ABCB5: variants seen among roughly 807,000 people sequenced by gnomAD.
ABCB5 encodes the protein ATP-binding cassette sub-family B member 5.
Under a neutral mutation model 144.2 loss-of-function variants are expected in ABCB5, and 155 were observed. The observed-to-expected ratio is 1.08, with a 90% CI of 0.94 to 1.23. ABCB5 has a LOEUF of 1.23. Among genes scored for constraint, ABCB5 ranks in the 50% most tolerant of loss-of-function variants. The probability of loss-of-function intolerance (pLI) is 0.00; values close to 1 mark genes in which losing one functional copy is unlikely to be tolerated. For synonymous variants in ABCB5, 610 were observed against 528.6 expected, an observed-to-expected ratio of 1.15 and a Z score of -2.11; for missense variants, 1,830 against 1,520.8, an observed-to-expected ratio of 1.20 and a Z score of -3.38.
At chr7:20,720,064 C>G (rs1049881496) in intron 20 of ABCB5, among the ~76,000 whole-genome samples, 2 of 152,108 alleles carry the variant, frequency 1.3e-5, no homozygotes, top group African/African-American at 4.8e-5. Flanking sequence ...TAAAAGAACC[C>G]AGGGATCTTT....
chr7:20,682,970 C>T (rs573700432), intron 15 of ABCB5, among the ~76,000 whole-genome samples: 3 of 152,328 alleles, frequency 2.0e-5, no homozygotes, highest in East Asian at 3.9e-4. Context: ...TCTTTGTTCT[C>T]GCCCAGCTTT....
rs1562525612 is a variant in ABCB5 at position 20,623,256 on chromosome 7, G to C, written c.-21-9G>C. The C allele has an allele frequency of 6.9e-7, 1 of 1,441,568 alleles. No homozygotes were observed. The highest frequency in any genetic ancestry group is 2.5e-5 in the East Asian group (1 of 40,430). The allele number at this position is 1,441,568 out of a possible 1,614,324, so 89.3% of individuals were successfully genotyped here. A position where few individuals can be genotyped will look rare whatever the true frequency, so the allele number is the denominator to read the frequency against. On this transcript the variant is annotated splice_polypyrimidine_tract_variant and intron_variant, in intron 1 of 27. Transcript: ENST00000404938. ...TAGCCATAATACATTTGTTAAAATT[G>C]TATTTCAGAAGAAGTAAATTGTAAA...
Position 20,709,478 on chromosome 7 carries a change from G to A in ABCB5, c.2421+4671G>A, listed in dbSNP as rs1315783734. Among the ~76,000 whole-genome samples, 3 of 149,684 alleles carry A rather than the reference G, an allele frequency of 2.0e-5. 1 individual carries two copies. The highest frequency in any genetic ancestry group is 7.4e-5 in the African/African-American group (3 of 40,452). ...ATAGCATAAAAAACACAATGCTGTGGCATCTAATTTGAATACAAAATAACT... is the reference window on the plus strand; with the variant it reads ...ATAGCATAAAAAACACAATGCTGTGACATCTAATTTGAATACAAAATAACT... On this transcript the variant is annotated intron_variant, in intron 20 of 27. Transcript: ENST00000404938.
In ABCB5 at chr7:20,698,322, A is replaced by G; in HGVS notation, c.2011-85A>G. On this transcript the variant is annotated intron_variant, in intron 16 of 27. Transcript: ENST00000404938. ...TCTGTTATGTTTGATGTTATACATTATAATTCTGTTTATGATGGGCTAACT... is the reference window on the plus strand; with the variant it reads ...TCTGTTATGTTTGATGTTATACATTGTAATTCTGTTTATGATGGGCTAACT... The G allele has an allele frequency of 3.2e-6, 4 of 1,234,808 alleles. No homozygotes were observed. The South Asian group carries it at 7.2e-5, about 22-fold the overall frequency. 76.5% of individuals were successfully genotyped at this position (1,234,808 alleles called of 1,614,324 possible).
At chr7:20,725,128 AAAC>A (rs1442071947) in intron 21 of ABCB5, among the ~76,000 whole-genome samples, 1 of 152,246 alleles carries the variant, frequency 6.6e-6, no homozygotes, top group Non-Finnish European at 1.5e-5. Context: ...ACTATACAAC[AAAC>A]AACTCTAATC....
intron 14 of ABCB5, chr7:20,666,844 T>C (rs1454328589): frequency 6.6e-7 from 1 of 1,511,002 alleles, no homozygotes; most frequent in African/African-American, 1.4e-5. Flanking sequence ...TGAATTGCAC[T>C]ATCTCCCTAA....
chr7:20,702,828 ATTTT>A (rs5882755), intron 19 of ABCB5, among the ~76,000 whole-genome samples: 8 of 114,100 alleles, frequency 7.0e-5, no homozygotes, highest in African/African-American at 2.0e-4. Flanking sequence ...CGCCTGGCTA[ATTTT>A]TTTTTTTTTT....
chr7:20,643,553 T>C lies in ABCB5; in HGVS notation c.599T>C (p.Leu200Ser). The change falls in exon 7 of 28, where the codon TTG becomes TCG. Residue 200 changes from leucine to serine, a missense_variant. By Grantham distance (145) the Leu-to-Ser change is moderately radical (BLOSUM62 -2). Coordinates refer to ENST00000404938, the MANE Select transcript of ABCB5 (RefSeq NM_001163941.2). ...STFSIGLAVG[L>S]VKGWKLTLVT... ...TTTTCGATTGGCCTGGCAGTTGGTT[T>C]GGTGAAGGGCTGGAAACTCACCCTA... 6.2e-7 allele frequency: 1 copy of C among 1,614,028 alleles called. No individual in the cohort carries two copies. The highest frequency in any genetic ancestry group is 8.5e-7 in the Non-Finnish European group (1 of 1,179,894).
At chr7:20,743,398 T>C (rs1247935510) in intron 25 of ABCB5, among the ~76,000 whole-genome samples, 10 of 152,138 alleles carry the variant, frequency 6.6e-5, no homozygotes, top group African/African-American at 1.2e-4. Flanking sequence ...CCGTATTCTG[T>C]TGTGGTTTAA....
chr7:20,731,365 A>AT (rs1201095218), intron 23 of ABCB5, among the ~76,000 whole-genome samples: 3,183 of 87,720 alleles, frequency 0.036, 41 homozygotes, highest in African/African-American at 0.069. Flanking sequence ...GAAAAAAAAA[A>AT]AAAAATATAT....
At chr7:20,695,249 G>T (rs1347943965) in intron 16 of ABCB5, among the ~76,000 whole-genome samples, 1 of 151,860 alleles carries the variant, frequency 6.6e-6, no homozygotes, top group East Asian at 1.9e-4. Flanking sequence ...AGAAAAGAGA[G>T]CTGAGAAGTA....
chr7:20,706,934 A>C (rs1417138285), intron 20 of ABCB5, among the ~76,000 whole-genome samples: 1 of 152,230 alleles, frequency 6.6e-6, no homozygotes, highest in Non-Finnish European at 1.5e-5. Flanking sequence ...GTAATTTATA[A>C]AAATTCTTAC....
chr7:20,748,781 G>C (rs1782816147), intron 26 of ABCB5, among the ~76,000 whole-genome samples: 1 of 151,882 alleles, frequency 6.6e-6, no homozygotes, highest in Non-Finnish European at 1.5e-5. Context: ...GTCTGAAAGA[G>C]TTCAGGTCTT....
chr7:20,650,225 T>C, intron 12 of ABCB5, 78 bp downstream of exon 12: 1 of 1,533,602 alleles, frequency 6.5e-7, no homozygotes, highest in Non-Finnish European at 8.8e-7. Flanking sequence ...GCTCTGTAAC[T>C]TTTCATTTTC....
At chr7:20,627,218 G>C (rs1245966817) in intron 3 of ABCB5, among the ~76,000 whole-genome samples, 1 of 151,964 alleles carries the variant, frequency 6.6e-6, no homozygotes, top group Non-Finnish European at 1.5e-5. Context: ...AAATATACAT[G>C]AAACAGCCTG....
intron 16 of ABCB5, among the ~76,000 whole-genome samples, chr7:20,690,060 A>G (rs1296709382): frequency 6.6e-6 from 1 of 152,222 alleles, no homozygotes; most frequent in Non-Finnish European, 1.5e-5. Context: ...GGAGTTTTTA[A>G]ACAGTGGTTC....
intron 23 of ABCB5, among the ~76,000 whole-genome samples, chr7:20,737,089 T>C (rs142909029): frequency 3.6e-4 from 55 of 151,210 alleles, no homozygotes; most frequent in African/African-American, 1.3e-3. Context: ...ACCCAGGAGA[T>C]GGAGGTTGCA....
chr7:20,633,390 C>T (rs975535238), intron 5 of ABCB5, among the ~76,000 whole-genome samples: 1 of 151,954 alleles, frequency 6.6e-6, no homozygotes, highest in Non-Finnish European at 1.5e-5. Context: ...CTATTCTTTT[C>T]CCCCCAAAAT....
Position 20,728,374 on chromosome 7 carries a change from T to C in ABCB5, c.2786T>C (p.Ile929Thr), listed in dbSNP as rs1474619293. ...GSCYAFSHAF[I>T]YFAYAAGFRF... ...TGTTATGCATTCAGCCATGCCTTTA[T>C]ATATTTTGCCTATGCGGCAGGGTTT... Residue 929 changes from isoleucine (I) to threonine (T), a missense_variant, in exon 23 of 28, where the codon ATA becomes ACA. Coordinates refer to ENST00000404938, the MANE Select transcript of ABCB5 (RefSeq NM_001163941.2). The C allele has an allele frequency of 6.2e-7, 1 of 1,614,198 alleles. No individual in the cohort carries two copies.
Sources: allele counts gnomAD v4.1 joint callset (sites outside exome capture counted in the v4.1 genomes callset), GRCh38; gene constraint gnomAD v4.1.1; transcripts MANE v1.5; gene names NCBI Gene and HGNC (gene_info 2026-07-23, HGNC 2026-07-21).